The following PDE3A variants were observed in gnomAD, a reference collection of about 807,000 sequenced individuals.
PDE3A encodes phosphodiesterase 3A, also known as cGMP-inhibited 3',5'-cyclic phosphodiesterase 3A.
Under a neutral mutation model 98.3 loss-of-function variants are expected in PDE3A, and 43 were observed. The ratio of observed to expected loss-of-function variants is 0.44; its 90% CI spans 0.34 to 0.56. The LOEUF (loss-of-function observed/expected upper bound fraction) is 0.56, where lower values mean the gene tolerates loss of function less well. PDE3A is among the 20% of genes least tolerant of loss of function. The pLI, the probability that PDE3A is intolerant of heterozygous loss-of-function variation, is 0.01. For missense variants in PDE3A, 1,427 were observed against 1,440.7 expected, an observed-to-expected ratio of 0.99 and a Z score of 0.15; for synonymous variants, 663 against 567.9, an observed-to-expected ratio of 1.17 and a Z score of -2.38.
At chr12:20,671,461 G>A (rs1016223303) in intron 15 of PDE3A, among the ~76,000 whole-genome samples, 18 of 137,646 alleles carry the variant, frequency 1.3e-4, no homozygotes, top group African/African-American at 4.6e-4. Flanking sequence ...TAAAATACTG[G>A]CAAACTGAAT....
rs547802308 is a variant in PDE3A, at chr12:20,686,703, A to T, written c.*6432A>T. On this transcript the variant is annotated 3_prime_UTR_variant, in exon 16 of 16. Transcript: ENST00000359062. Reference sequence around the variant, plus strand: ...TAGGAGGAAAGCATGGCTTCTCTTCAATTATACTTCTCTTACTCAATATTA... The same window carrying T: ...TAGGAGGAAAGCATGGCTTCTCTTCTATTATACTTCTCTTACTCAATATTA... Among the ~76,000 whole-genome samples the T allele has an allele frequency of 6.6e-6, 1 of 152,264 alleles. No homozygotes were observed. The highest frequency in any genetic ancestry group is 2.1e-4 in the South Asian group (1 of 4,832).
At chr12:20,409,862 TTTGG>T (rs1174268081) in intron 1 of PDE3A, among the ~76,000 whole-genome samples, 2 of 152,172 alleles carry the variant, frequency 1.3e-5, no homozygotes, top group African/African-American at 4.8e-5. Flanking sequence ...TTCCTTAGCT[TTTGG>T]TCTTCTGTCT....
chr12:20,624,740 A>G (rs1257269241), intron 5 of PDE3A, among the ~76,000 whole-genome samples: 2 of 152,228 alleles, frequency 1.3e-5, no homozygotes, highest in Non-Finnish European at 2.9e-5. Context: ...CACATCTATC[A>G]AGAATCAGAG....
intron 15 of PDE3A, among the ~76,000 whole-genome samples, chr12:20,666,639 A>T (rs1450945588): frequency 6.6e-6 from 1 of 152,196 alleles, no homozygotes. Flanking sequence ...ATATTATTCC[A>T]TTGTGTATGT....
chr12:20,436,274 T>A (rs1188591813), intron 1 of PDE3A, among the ~76,000 whole-genome samples: 1 of 152,008 alleles, frequency 6.6e-6, no homozygotes, highest in African/African-American at 2.4e-5. Context: ...AGCTGCGAGA[T>A]GTTTTAGCAC....
chr12:20,525,357 TTGTAA>T (rs1191235342), intron 1 of PDE3A, among the ~76,000 whole-genome samples: 1 of 152,172 alleles, frequency 6.6e-6, no homozygotes, highest in Non-Finnish European at 1.5e-5. Context: ...TTTGAAGGAC[TTGTAA>T]TGTTGCCAAC....
intron 5 of PDE3A, among the ~76,000 whole-genome samples, chr12:20,625,647 T>C (rs1944244950): frequency 6.6e-6 from 1 of 151,822 alleles, no homozygotes; most frequent in South Asian, 2.1e-4. Flanking sequence ...ACTGAGAGAG[T>C]TTTATAGCAC....
At position 20,483,319 on chromosome 12, in the gene PDE3A, G is replaced by A. The variant is rs1945666327; in HGVS notation, c.961-73341G>A. Among the ~76,000 whole-genome samples, 3 of 152,122 alleles carry A rather than the reference G, an allele frequency of 2.0e-5. No homozygotes were observed. In the South Asian group the frequency reaches 6.2e-4, roughly 32 times the overall value. On this transcript the variant is annotated intron_variant, in intron 1 of 15. Coordinates refer to ENST00000359062, the MANE Select transcript of PDE3A (RefSeq NM_000921.5). ...CAGGAGAATTGTTTGAACCCCGGAG[G>A]CGGAGGTTGCAGTGAGCCGAGATCG... is the stretch of plus-strand genomic sequence containing the variant.
At chr12:20,580,721 A>G (rs1943041871) in intron 2 of PDE3A, among the ~76,000 whole-genome samples, 1 of 152,150 alleles carries the variant, frequency 6.6e-6, no homozygotes, top group Admixed American at 6.5e-5. Flanking sequence ...TTGTGACATC[A>G]AGAGCAATAA....
intron 15 of PDE3A, among the ~76,000 whole-genome samples, chr12:20,669,516 C>T (rs1207244046): frequency 1.3e-5 from 2 of 151,902 alleles, no homozygotes; most frequent in Non-Finnish European, 2.9e-5. Flanking sequence ...AGAAACCCTA[C>T]AAGCCAGAAG....
chr12:20,422,663 A>G (rs1944539675), intron 1 of PDE3A, among the ~76,000 whole-genome samples: 1 of 152,252 alleles, frequency 6.6e-6, no homozygotes, highest in Non-Finnish European at 1.5e-5. Context: ...ACAGAAGGAC[A>G]TGGAATAACC....
At chr12:20,654,267 A>C (rs947953738) in intron 15 of PDE3A, 62 bp downstream of exon 15, 75 of 1,497,598 alleles carry the variant, frequency 5.0e-5, no homozygotes, top group Non-Finnish European at 6.8e-5. Flanking sequence ...CTTTAGATGA[A>C]TTTTATGCTT....
chr12:20,534,686 A>C (rs544793142), intron 1 of PDE3A, among the ~76,000 whole-genome samples: 70 of 152,348 alleles, frequency 4.6e-4, no homozygotes, highest in African/African-American at 1.6e-3. Flanking sequence ...CAATTGAGAT[A>C]TAGATTACCT....
At chr12:20,596,669 A>G (rs1204127617) in intron 2 of PDE3A, among the ~76,000 whole-genome samples, 1 of 152,164 alleles carries the variant, frequency 6.6e-6, no homozygotes, top group Non-Finnish European at 1.5e-5. Context: ...AATAGAGAGA[A>G]TAAGTGGCAT....
intron 1 of PDE3A, among the ~76,000 whole-genome samples, chr12:20,531,294 G>T (rs1271229820): frequency 6.6e-6 from 1 of 152,050 alleles, no homozygotes; most frequent in Non-Finnish European, 1.5e-5. Context: ...CATTATAAGT[G>T]GTGATCCCTT....
Position 20,590,940 on chromosome 12 carries a change from A to T in PDE3A, c.1012-22503A>T, listed in dbSNP as rs1943325053. ...AGCATTGTCCCACTTTGCACGTCCT[A>T]GCTCCCTGTCCACTTCGAAAGTGCA... On this transcript the variant is annotated intron_variant, in intron 2 of 15. Transcript: ENST00000359062. Among the ~76,000 whole-genome samples the T allele has an allele frequency of 2.6e-5, 4 of 152,218 alleles. No individual in the cohort carries two copies. The South Asian group carries it at 8.3e-4, about 31-fold the overall frequency.
intron 15 of PDE3A, among the ~76,000 whole-genome samples, chr12:20,660,623 G>A (rs1477054789): frequency 6.6e-6 from 1 of 152,170 alleles, no homozygotes; most frequent in East Asian, 1.9e-4. Flanking sequence ...TCTCGTGATA[G>A]TGAATAAGTC....
chr12:20,436,052 A>G (rs1944774167), intron 1 of PDE3A, among the ~76,000 whole-genome samples: 2 of 152,184 alleles, frequency 1.3e-5, no homozygotes, highest in Non-Finnish European at 2.9e-5. Flanking sequence ...TACTCAAAGT[A>G]AGACTTGTCA....
chr12:20,608,159 T>G (rs1392623180), intron 2 of PDE3A, among the ~76,000 whole-genome samples: 1 of 152,174 alleles, frequency 6.6e-6, no homozygotes, highest in Non-Finnish European at 1.5e-5. Flanking sequence ...CAGTCCATCT[T>G]TCTGTTTTTC....
Sources: gnomAD v4.1 joint callset for allele counts (sites outside exome capture counted in the v4.1 genomes callset) on GRCh38, gnomAD v4.1.1 for gene constraint, MANE v1.5 for transcripts, NCBI Gene and HGNC (gene_info 2026-07-23, HGNC 2026-07-21) for gene names.